The following CELA3A variants were observed in gnomAD, a reference collection of about 807,000 sequenced individuals.
CELA3A encodes the protein chymotrypsin-like elastase family member 3A.
CELA3A carries 35 observed loss-of-function variants against 38.6 expected under a neutral mutation model. That is an observed-to-expected ratio of 0.91 (90% CI 0.69 to 1.20). CELA3A has a LOEUF of 1.20. Among genes scored for constraint, CELA3A ranks in the 50% most tolerant of loss-of-function variants. The probability of loss-of-function intolerance (pLI) is 0.00; values close to 1 mark genes in which losing one functional copy is unlikely to be tolerated. For missense variants in CELA3A, 343 were observed against 354.2 expected (o/e 0.97, Z 0.25); for synonymous variants, 143 against 136.7 (o/e 1.05, Z -0.32).
intron 6 of CELA3A, 43 bp downstream of exon 6, chr1:22,007,558 G>C (rs1644959070): frequency 6.3e-7 from 1 of 1,580,692 alleles, no homozygotes; most frequent in Non-Finnish European, 8.6e-7. Context: ...TGGGTGTGCA[G>C]GACCTTGGAA....
chr1:22,002,007 T>C (rs562089688), intron 1 of CELA3A, among the ~76,000 whole-genome samples: 2 of 151,090 alleles, frequency 1.3e-5, no homozygotes, highest in Non-Finnish European at 2.9e-5. Flanking sequence ...GTTGGACTTC[T>C]TGGGTTGGAA....
chr1:22,003,455 G>T (rs1474910980), intron 2 of CELA3A, among the ~76,000 whole-genome samples: 1 of 150,914 alleles, frequency 6.6e-6, no homozygotes, highest in Non-Finnish European at 1.5e-5. Flanking sequence ...AAGGGAGTGA[G>T]GGATCTTGTA....
chr1:22,012,353 G>A (rs1644987485), intron 7 of CELA3A, 97 bp from the exon 8 acceptor site: 1 of 1,363,746 alleles, frequency 7.3e-7, no homozygotes, highest in African/African-American at 1.8e-5. Context: ...CTCTCCCAGG[G>A]TCACACAGCA....
Position 22,009,725 on chromosome 1 carries a change from C to G in CELA3A, c.663C>G (p.Leu221=). ...TCCAGGGTGACTCTGGAGGACCCCT[C>G]AACTGCCCCACAGAGGATGGTGGCT... is the stretch of plus-strand genomic sequence containing the variant. ...SGCNGDSGGP[L]NCPTEDGGWQ... is the part of the protein sequence containing the mutation. The change falls in exon 7 of 8, where the codon CTC becomes CTG. Residue 221 remains leucine, a synonymous_variant. Coordinates refer to ENST00000290122, the MANE Select transcript of CELA3A (RefSeq NM_005747.5). 6.2e-7 allele frequency: 1 copy of G among 1,612,172 alleles called. No individual in the cohort carries two copies. The highest frequency in any genetic ancestry group is 8.5e-7 in the Non-Finnish European group (1 of 1,179,424).
At chr1:22,010,212 G>C in intron 7 of CELA3A, 1 of 380,852 alleles carries the variant, frequency 2.6e-6, no homozygotes, top group Non-Finnish European at 5.3e-6. Flanking sequence ...GAACGATGCA[G>C]TCTGATGAGA....
At chr1:22,001,838 C>G (rs1644920414) in intron 1 of CELA3A, 121 bp downstream of exon 1, 2 of 1,398,018 alleles carry the variant, frequency 1.4e-6, no homozygotes, top group African/African-American at 1.5e-5. Context: ...GGGGTCTCAG[C>G]TTGTACCCGG....
rs1221319803 is a variant in CELA3A, at chr1:22,011,871, G to A, written c.796-579G>A. 5.6e-5 allele frequency among the ~76,000 whole-genome samples: 7 copies of A among 125,654 alleles called. 1 individual carries two copies. The highest frequency in any genetic ancestry group is 3.3e-5 in the Non-Finnish European group (2 of 61,302). The allele number at this position is 125,654 out of a possible 152,430, so 82.4% of individuals were successfully genotyped here. On this transcript the variant is annotated intron_variant, in intron 7 of 7. Transcript: ENST00000290122. Reference sequence around the variant, plus strand: ...AGATTGAGACCATCCTGGCTAACACGGTGAAATCCCATCTGTACTAAAAAT... The same window carrying A: ...AGATTGAGACCATCCTGGCTAACACAGTGAAATCCCATCTGTACTAAAAAT...
chr1:22,005,579 G>A lies in CELA3A; in HGVS notation c.227+35G>A, dbSNP rs768202856. 32 of 1,612,272 alleles carry A rather than the reference G, an allele frequency of 2.0e-5. No homozygotes were observed. The South Asian group carries it at 3.4e-4, about 17-fold the overall frequency. On this transcript the variant is annotated intron_variant, in intron 3 of 7. Transcript: ENST00000290122. ...CTACCCTGTCCCTGCCTGTGGCCCTGGGCAGCGGGGGAGAGTGGGTGATGA... is the reference window on the plus strand; with the variant it reads ...CTACCCTGTCCCTGCCTGTGGCCCTAGGCAGCGGGGGAGAGTGGGTGATGA...
rs149940905 is a variant in CELA3A, at chr1:22,009,686, TC to T, written c.643-17del. On this transcript the variant is annotated intron_variant, in intron 6 of 7. Transcript: ENST00000290122. ...CCTCAGACATGGCTCAGCCACCCAC[TC>T]CTCTCTGACGGTTCCAGGGTGACTC... 0.026 allele frequency: 41,583 copies of T among 1,605,410 alleles called. 1,415 individuals carry two copies. The highest frequency in any genetic ancestry group is 0.029 in the Non-Finnish European group (34,316 of 1,177,428).
chr1:22,005,024 G>A (rs1206707221), intron 2 of CELA3A, among the ~76,000 whole-genome samples: 2 of 150,604 alleles, frequency 1.3e-5, no homozygotes, highest in Non-Finnish European at 3.0e-5. Flanking sequence ...GCTTGAACCC[G>A]GGAGGCGGAG....
chr1:22,011,470 T>C (rs1237622262), intron 7 of CELA3A, among the ~76,000 whole-genome samples: 1 of 128,058 alleles, frequency 7.8e-6, no homozygotes, highest in Non-Finnish European at 1.6e-5. Context: ...TAAAAAAATA[T>C]ATATATAAGG....
intron 7 of CELA3A, among the ~76,000 whole-genome samples, 156 bp from the exon 8 acceptor site, chr1:22,012,294 C>CTATCAT (rs529250515): frequency 0.031 from 3,879 of 125,674 alleles, 692 homozygotes; most frequent in Middle Eastern, 0.063. Context: ...GAGGTAAGTT[C>CTATCAT]TATCCCTACT....
intron 1 of CELA3A, 108 bp downstream of exon 1, chr1:22,001,825 GAGGGGGT>G: frequency 6.7e-7 from 1 of 1,491,434 alleles, no homozygotes; most frequent in Admixed American, 1.7e-5. Context: ...GGTTCCACAG[GAGGGGGT>G]CTCAGCTTGT....
chr1:22,002,404 C>G (rs555434727), intron 1 of CELA3A: 1 of 403,428 alleles, frequency 2.5e-6, no homozygotes, highest in East Asian at 7.4e-5. Flanking sequence ...TGCTTTGTTG[C>G]CCAGACTGGT....
chr1:22,008,855 C>G (rs1167659103), intron 6 of CELA3A, among the ~76,000 whole-genome samples: 1 of 152,020 alleles, frequency 6.6e-6, no homozygotes, highest in African/African-American at 2.4e-5. Flanking sequence ...CTATGTTTAT[C>G]GAGTGCTTCT....
At chr1:22,009,231 G>C (rs1644969308) in intron 6 of CELA3A, among the ~76,000 whole-genome samples, 1 of 151,434 alleles carries the variant, frequency 6.6e-6, no homozygotes, top group Admixed American at 6.6e-5. Flanking sequence ...GGGCGTGGTA[G>C]TGGGCACCTA....
chr1:22,007,365 C>T lies in CELA3A; in HGVS notation c.500-8C>T, dbSNP rs1644957346. ...AGACCCCTGACTCGGTGCTTTTTAT[C>T]CTTGCAGCCAATGGGCCACTCCCAG... On this transcript the variant is annotated splice_region_variant and splice_polypyrimidine_tract_variant and intron_variant, in intron 5 of 7. Transcript: ENST00000290122. 2.5e-6 allele frequency: 4 copies of T among 1,605,808 alleles called. No homozygotes were observed. The highest frequency in any genetic ancestry group is 1.7e-6 in the Non-Finnish European group (2 of 1,176,346).
intron 1 of CELA3A, chr1:22,002,429 C>T: frequency 4.7e-6 from 2 of 422,554 alleles, no homozygotes; most frequent in South Asian, 3.4e-5. Context: ...AAATCCTGGC[C>T]TCAAGCAATC....
intron 2 of CELA3A, 56 bp downstream of exon 2, chr1:22,003,144 T>C: frequency 1.0e-5 from 15 of 1,452,066 alleles, no homozygotes; most frequent in Non-Finnish European, 1.1e-5. Context: ...CCCTAAGCTC[T>C]AATGGCGTGG....
Sources: gnomAD v4.1 joint callset for allele counts (sites outside exome capture counted in the v4.1 genomes callset) on GRCh38, gnomAD v4.1.1 for gene constraint, MANE v1.5 for transcripts, NCBI Gene and HGNC (gene_info 2026-07-23, HGNC 2026-07-21) for gene names.